KDM4C: variants seen among roughly 807,000 people sequenced by gnomAD.
The protein encoded by KDM4C is lysine-specific demethylase 4C.
Under a neutral mutation model 129.3 loss-of-function variants are expected in KDM4C, and 81 were observed. The observed-to-expected ratio is 0.63, with a 90% CI of 0.52 to 0.75. The LOEUF (loss-of-function observed/expected upper bound fraction) is 0.75. Among genes scored for constraint, KDM4C ranks in the 30% least tolerant of loss-of-function variants. The pLI, the probability that KDM4C is intolerant of heterozygous loss-of-function variation, is 0.00. For synonymous variants in KDM4C, 573 were observed against 456.1 expected (o/e 1.26, Z -3.26); for missense variants, 1,457 against 1,304.0 (o/e 1.12, Z -1.81).
intron 8 of KDM4C, among the ~76,000 whole-genome samples, chr9:6,937,589 A>C (rs1219096263): frequency 6.6e-6 from 1 of 152,162 alleles, no homozygotes; most frequent in African/African-American, 2.4e-5. Flanking sequence ...CCTGTTGTGC[A>C]CATGCTGCTC....
Position 7,174,667 on chromosome 9 carries a change from G to A in KDM4C, c.3109G>A (p.Asp1037Asn), listed in dbSNP as rs772381983. Residue 1037 changes from aspartate (D) to asparagine (N), a missense_variant, in exon 22 of 22, where the codon GAC (aspartate) becomes AAC (asparagine). Asp to Asn is a conservative substitution (Grantham distance 23, BLOSUM62 1). Coordinates refer to ENST00000381309, the MANE Select transcript of KDM4C (RefSeq NM_015061.6). ...CAGGTTTAAGAATGAATATGTGGCCGACCCTGTATACCGCACTTTTTTGAA... is the reference window on the plus strand; with the variant it reads ...CAGGTTTAAGAATGAATATGTGGCCAACCCTGTATACCGCACTTTTTTGAA... ...SSRFKNEYVADPVYRTFLKSS... is the reference protein window; with the variant it reads ...SSRFKNEYVANPVYRTFLKSS... 2.5e-6 allele frequency: 4 copies of A among 1,613,974 alleles called. No homozygotes were observed. The highest frequency in any genetic ancestry group is 1.3e-5 in the African/African-American group (1 of 74,924).
chr9:6,830,872 A>T (rs1455627433), intron 4 of KDM4C, among the ~76,000 whole-genome samples: 1 of 152,232 alleles, frequency 6.6e-6, no homozygotes, highest in Non-Finnish European at 1.5e-5. Context: ...TGTAGAGAAA[A>T]TGAAGCAAGG....
Position 7,076,469 on chromosome 9 carries a change from A to G in KDM4C, c.2425-27216A>G. 2 of 1,550,872 alleles carry G rather than the reference A, an allele frequency of 1.3e-6. 1 individual carries two copies. ...GAATCTAGACACAGCAACAGTAACA[A>G]CAACAACAATAACAATGAAGGCTCA... On this transcript the variant is annotated intron_variant, in intron 17 of 21. Transcript: ENST00000381309.
chr9:7,098,421 G>C (rs1836697347), intron 17 of KDM4C, among the ~76,000 whole-genome samples: 1 of 152,166 alleles, frequency 6.6e-6, no homozygotes, highest in African/African-American at 2.4e-5. Flanking sequence ...CAACACACTT[G>C]GCATTATGAG....
At chr9:7,035,068 AGTG>A (rs1030093157) in intron 15 of KDM4C, among the ~76,000 whole-genome samples, 3 of 151,844 alleles carry the variant, frequency 2.0e-5, no homozygotes, top group Non-Finnish European at 4.4e-5. Flanking sequence ...GCTGGAGTTT[AGTG>A]GTGCTCTCTC....
At chr9:6,904,457 G>C (rs944181228) in intron 8 of KDM4C, among the ~76,000 whole-genome samples, 1 of 149,670 alleles carries the variant, frequency 6.7e-6, no homozygotes, top group African/African-American at 2.5e-5. Flanking sequence ...GTACATAAGA[G>C]TTCATTGCAC....
rs1390486696 is a variant in KDM4C at position 6,723,936 on chromosome 9, A to G, written c.49+2939A>G. The G allele has an allele frequency of 3.9e-5, 6 of 152,226 alleles. No individual in the cohort carries two copies. In the East Asian group the frequency reaches 7.7e-4, roughly 20 times the overall value. 9.4% of individuals were successfully genotyped at this position (152,226 alleles called of 1,614,324 possible). ...GTAAGAACAGAAGTGTTAAGTATGT[A>G]TAACACTTCTTTTGATTGTAAGGAA... On this transcript the variant is annotated intron_variant, in intron 1 of 17. Transcript: ENST00000536108.
At chr9:7,173,693 T>C (rs563600571) in intron 21 of KDM4C, among the ~76,000 whole-genome samples, 2 of 152,252 alleles carry the variant, frequency 1.3e-5, no homozygotes, top group Admixed American at 1.3e-4. Flanking sequence ...TTCTGGCCAA[T>C]GTAACTGGGT....
intron 2 of KDM4C, among the ~76,000 whole-genome samples, chr9:6,802,219 TAAC>T (rs1333500980): frequency 6.6e-6 from 1 of 152,202 alleles, no homozygotes; most frequent in Non-Finnish European, 1.5e-5. Context: ...ATTGTACACT[TAAC>T]AGAAAGACTA....
At chr9:6,857,054 T>A (rs1211121163) in intron 5 of KDM4C, among the ~76,000 whole-genome samples, 1 of 152,196 alleles carries the variant, frequency 6.6e-6, no homozygotes, top group African/African-American at 2.4e-5. Context: ...GATCTTCCTA[T>A]GTTGAGCCTT....
In KDM4C at chr9:7,128,159, G is replaced by A. The variant is rs1402187432; in HGVS notation, c.2704G>A (p.Val902Met). The A allele has an allele frequency of 6.8e-6, 11 of 1,613,192 alleles. No homozygotes were observed. The highest frequency in any genetic ancestry group is 8.5e-6 in the Non-Finnish European group (10 of 1,179,634). Residue 902 changes from valine (V) to methionine (M), a missense_variant, in exon 19 of 22, where the codon GTG (valine) becomes ATG (methionine). Transcript: ENST00000381309. ...GTATTACAGTTGCAGAGTGATGGCTGTGACATCGCAGACCTTCTATGAGGT... is the reference window on the plus strand; with the variant it reads ...GTATTACAGTTGCAGAGTGATGGCTATGACATCGCAGACCTTCTATGAGGT... The part of the protein sequence containing the change: ...TRYYSCRVMA[V>M]TSQTFYEVMF...
chr9:7,076,671 G>T, intron 17 of KDM4C: 1 of 1,308,446 alleles, frequency 7.6e-7, no homozygotes, highest in Non-Finnish European at 9.7e-7. Context: ...TTTTCCTCTG[G>T]ATCCTCACAC....
chr9:6,797,382 A>G (rs1186447997), intron 2 of KDM4C, among the ~76,000 whole-genome samples: 1 of 152,234 alleles, frequency 6.6e-6, no homozygotes, highest in African/African-American at 2.4e-5. Flanking sequence ...CTTTAGCTTC[A>G]GATGACAGTC....
At chr9:6,840,933 T>A (rs919647951) in intron 4 of KDM4C, among the ~76,000 whole-genome samples, 1 of 152,218 alleles carries the variant, frequency 6.6e-6, no homozygotes, top group African/African-American at 2.4e-5. Context: ...GGGTGCTAGC[T>A]ATGTCAGCCC....
At chr9:6,803,850 G>A (rs1359728709) in intron 2 of KDM4C, among the ~76,000 whole-genome samples, 2 of 152,066 alleles carry the variant, frequency 1.3e-5, no homozygotes, top group Admixed American at 6.6e-5. Flanking sequence ...TTGTTTATGA[G>A]ATGGACTGTC....
At chr9:7,087,617 G>T (rs1370541482) in intron 17 of KDM4C, among the ~76,000 whole-genome samples, 1 of 152,100 alleles carries the variant, frequency 6.6e-6, no homozygotes, top group East Asian at 1.9e-4. Flanking sequence ...AGAGTTTCAG[G>T]CATAAAATTA....
chr9:6,920,971 G>A (rs1455700258), intron 8 of KDM4C, among the ~76,000 whole-genome samples: 2 of 152,054 alleles, frequency 1.3e-5, no homozygotes, highest in East Asian at 1.9e-4. Context: ...CATCTTACAT[G>A]ACCTCCTGGC....
upstream of KDM4C, among the ~76,000 whole-genome samples, chr9:6,754,211 CTTTTT>C (rs543906754): frequency 3.3e-3 from 503 of 150,686 alleles, 4 homozygotes; most frequent in African/African-American, 0.011. Context: ...GTTTTCTTTT[CTTTTT>C]CTTTTTTTTT....
At chr9:6,908,032 C>G (rs1438115961) in intron 8 of KDM4C, among the ~76,000 whole-genome samples, 5 of 152,086 alleles carry the variant, frequency 3.3e-5, no homozygotes, top group African/African-American at 4.8e-5. Flanking sequence ...ATGGATTTTC[C>G]TTATAACCTT....
Sources: allele counts gnomAD v4.1 joint callset (sites outside exome capture counted in the v4.1 genomes callset), GRCh38; gene constraint gnomAD v4.1.1; transcripts MANE v1.5; gene names NCBI Gene and HGNC (gene_info 2026-07-23, HGNC 2026-07-21).